The following WWOX variants were observed in gnomAD, a reference collection of about 807,000 sequenced individuals.
WWOX encodes WW domain-containing oxidoreductase.
In WWOX, 69 loss-of-function variants were observed where a neutral mutation model predicts 46.2. That is an observed-to-expected ratio of 1.49 (90% CI 1.23 to 1.82). The LOEUF (loss-of-function observed/expected upper bound fraction) is 1.82, where lower values mean the gene tolerates loss of function less well. Among genes scored for constraint, WWOX ranks in the 40% most tolerant of loss-of-function variants. WWOX has a pLI of 0.00. For missense variants in WWOX, 919 were observed against 542.6 expected (o/e 1.69, Z -6.89); for synonymous variants, 359 against 202.6 (o/e 1.77, Z -6.56).
At chr16:78,645,483 T>C (rs932877321) in intron 8 of WWOX, among the ~76,000 whole-genome samples, 1 of 152,140 alleles carries the variant, frequency 6.6e-6, no homozygotes, top group Non-Finnish European at 1.5e-5. Flanking sequence ...TTGTCTCATG[T>C]TTCTGCAGGA....
At chr16:78,518,948 C>T (rs541169751) in intron 8 of WWOX, among the ~76,000 whole-genome samples, 2 of 152,340 alleles carry the variant, frequency 1.3e-5, no homozygotes, top group African/African-American at 4.8e-5. Context: ...TAGGAAAAGG[C>T]AGCTTACAGA....
chr16:78,658,268 G>C (rs2047126295), intron 8 of WWOX, among the ~76,000 whole-genome samples: 1 of 152,086 alleles, frequency 6.6e-6, no homozygotes, highest in South Asian at 2.1e-4. Flanking sequence ...ATTTTTAATA[G>C]CAAAGTAATG....
At chr16:78,743,734 C>G (rs2049284549) in intron 8 of WWOX, among the ~76,000 whole-genome samples, 1 of 152,164 alleles carries the variant, frequency 6.6e-6, no homozygotes, top group African/African-American at 2.4e-5. Context: ...GCTTCACCCT[C>G]TGATTGGTTG....
chr16:79,183,152 G>T (rs1331872282), intron 8 of WWOX, among the ~76,000 whole-genome samples: 2 of 152,234 alleles, frequency 1.3e-5, no homozygotes, highest in African/African-American at 4.8e-5. Context: ...GAGGGGAGAA[G>T]GCGTGAGCAG....
At chr16:78,861,091 A>G (rs1023625280) in intron 8 of WWOX, among the ~76,000 whole-genome samples, 1 of 151,938 alleles carries the variant, frequency 6.6e-6, no homozygotes, top group African/African-American at 2.4e-5. Flanking sequence ...AAGTGTTGGG[A>G]TTATAGGTGT....
intron 8 of WWOX, among the ~76,000 whole-genome samples, chr16:78,878,300 C>G (rs1373186846): frequency 6.6e-6 from 1 of 152,138 alleles, no homozygotes; most frequent in African/African-American, 2.4e-5. Context: ...GAATGATGGC[C>G]TAGCATGACA....
At chr16:78,805,491 T>C (rs950447917) in intron 8 of WWOX, among the ~76,000 whole-genome samples, 8 of 151,992 alleles carry the variant, frequency 5.3e-5, no homozygotes, top group Non-Finnish European at 8.8e-5. Context: ...CACAGTGTTA[T>C]GCAGGATGGT....
At chr16:78,939,776 T>C (rs1341762669) in intron 8 of WWOX, among the ~76,000 whole-genome samples, 2 of 152,240 alleles carry the variant, frequency 1.3e-5, no homozygotes, top group Non-Finnish European at 2.9e-5. Flanking sequence ...ACTTCAGTTC[T>C]CCAAATTCCA....
At chr16:78,756,516 C>G (rs1230253749) in intron 8 of WWOX, among the ~76,000 whole-genome samples, 4 of 152,076 alleles carry the variant, frequency 2.6e-5, no homozygotes, top group Non-Finnish European at 5.9e-5. Flanking sequence ...CCAGAACACA[C>G]TGAAAAACAC....
At chr16:78,139,755 A>T (rs1487434127) in intron 4 of WWOX, among the ~76,000 whole-genome samples, 1 of 152,196 alleles carries the variant, frequency 6.6e-6, no homozygotes, top group Non-Finnish European at 1.5e-5. Context: ...AGAAAAAGAC[A>T]TATTTATGCA....
intron 5 of WWOX, among the ~76,000 whole-genome samples, chr16:78,227,724 AAAATT>A (rs1224888539): frequency 1.3e-5 from 2 of 152,044 alleles, no homozygotes; most frequent in Non-Finnish European, 2.9e-5. Flanking sequence ...TAAAAATACA[AAAATT>A]AGCCAGGTGC....
Position 78,160,850 on chromosome 16 carries a change from T to C in WWOX, c.410-3333T>C, listed in dbSNP as rs1184882727. 2.0e-5 allele frequency among the ~76,000 whole-genome samples: 3 copies of C among 152,346 alleles called. No homozygotes were observed. The East Asian group carries it at 5.8e-4, about 29-fold the overall frequency. ...TATATACTTTGTGTTTGTCTGCTTA[T>C]TTTATCTGTTACTAAGAGGGATATG... On this transcript the variant is annotated intron_variant, in intron 4 of 8. Transcript: ENST00000566780.
chr16:79,155,590 G>A (rs968795492), intron 8 of WWOX, among the ~76,000 whole-genome samples: 1 of 152,134 alleles, frequency 6.6e-6, no homozygotes, highest in Non-Finnish European at 1.5e-5. Context: ...TTGACATAGA[G>A]AGCCAATCCC....
intron 8 of WWOX, among the ~76,000 whole-genome samples, chr16:79,114,657 T>G (rs780980134): frequency 6.6e-6 from 1 of 152,030 alleles, no homozygotes; most frequent in Non-Finnish European, 1.5e-5. Flanking sequence ...GAGAATAAAC[T>G]TGTATTGTTT....
intron 6 of WWOX, among the ~76,000 whole-genome samples, chr16:78,419,870 G>A (rs2082882329): frequency 6.6e-6 from 1 of 151,870 alleles, no homozygotes; most frequent in Non-Finnish European, 1.5e-5. Flanking sequence ...TACAGAATGG[G>A]GGAAATACTT....
intron 8 of WWOX, among the ~76,000 whole-genome samples, chr16:78,794,478 TGTGTCC>T (rs530431984): frequency 9.6e-4 from 147 of 152,352 alleles, no homozygotes; most frequent in African/African-American, 3.5e-3. Context: ...CTTCCATCTA[TGTGTCC>T]TTAGGCAAAA....
chr16:78,224,298 C>T (rs796936543), intron 5 of WWOX, among the ~76,000 whole-genome samples: 37 of 152,098 alleles, frequency 2.4e-4, no homozygotes, highest in African/African-American at 5.8e-4. Flanking sequence ...CCACCACGTC[C>T]GGCCTGTTTT....
At chr16:78,623,525 C>T (rs990418252) in intron 8 of WWOX, among the ~76,000 whole-genome samples, 1 of 151,878 alleles carries the variant, frequency 6.6e-6, no homozygotes, top group South Asian at 2.1e-4. Flanking sequence ...ACTAAAAATA[C>T]AAAAATCAGC....
chr16:78,586,323 A>AC (rs1311437542), intron 8 of WWOX, among the ~76,000 whole-genome samples: 3 of 152,188 alleles, frequency 2.0e-5, no homozygotes, highest in East Asian at 3.9e-4. Flanking sequence ...TGGTGCCAGG[A>AC]CGCCATGAAA....
Sources: allele counts gnomAD v4.1 joint callset (sites outside exome capture counted in the v4.1 genomes callset), GRCh38; gene constraint gnomAD v4.1.1; transcripts MANE v1.5; gene names NCBI Gene and HGNC (gene_info 2026-07-23, HGNC 2026-07-21).